Variants in SYBU observed in about 807,000 individuals in gnomAD.
SYBU encodes syntabulin.
In SYBU, 21 loss-of-function variants were observed where a neutral mutation model predicts 35.9. That is an observed-to-expected ratio of 0.58 (90% confidence interval 0.41 to 0.84). The LOEUF (loss-of-function observed/expected upper bound fraction) is 0.84, where lower values mean the gene tolerates loss of function less well. Ranked by LOEUF, SYBU falls within the 40% of genes least tolerant of loss-of-function variation. The probability of loss-of-function intolerance (pLI) is 0.00; values close to 1 mark genes in which losing one functional copy is unlikely to be tolerated. For missense variants in SYBU, 768 were observed against 848.2 expected, an observed-to-expected ratio of 0.91 and a Z score of 1.17; for synonymous variants, 319 against 324.3, an observed-to-expected ratio of 0.98 and a Z score of 0.18.
intron 2 of SYBU, among the ~76,000 whole-genome samples, chr8:109,641,550 C>T (rs941010935): frequency 1.6e-4 from 25 of 152,350 alleles, no homozygotes; most frequent in African/African-American, 6.0e-4. Context: ...GCCCTTCAGG[C>T]TTGACAGATC....
At chr8:109,578,149 T>A in intron 5 of SYBU, 132 bp from the exon 6 acceptor site, 1 of 1,014,090 alleles carries the variant, frequency 9.9e-7, no homozygotes, top group Non-Finnish European at 1.4e-6. Context: ...CTTACCCCAA[T>A]ATGACGGTAT....
chr8:109,669,339 CAAAAAAAAAAAAAAAAA>C lies in SYBU; in HGVS notation c.-129+11355_-129+11371del, dbSNP rs533510895. ...CCTGGGCGACAGAGTGAGACTCCGT[CAAAAAAAAAAAAAAAAA>C]AAAAAAAAAAAACAACTGATCTATG... On this transcript the variant is annotated intron_variant, in intron 1 of 5. Coordinates refer to the SYBU transcript ENST00000408889. 9.3e-4 allele frequency among the ~76,000 whole-genome samples: 46 copies of C among 49,698 alleles called. No individual in the cohort carries two copies. In the South Asian group the frequency reaches 0.039, roughly 42 times the overall value. 32.6% of individuals were successfully genotyped at this position (49,698 alleles called of 152,430 possible). A position where few individuals can be genotyped will look rare whatever the true frequency, so the allele number is the denominator to read the frequency against.
chr8:109,670,977 A>G (rs145041407), intron 1 of SYBU, among the ~76,000 whole-genome samples: 1 of 152,302 alleles, frequency 6.6e-6, no homozygotes, highest in Non-Finnish European at 1.5e-5. Context: ...TGTTTGTGCT[A>G]AACAGATAAA....
At chr8:109,669,320 C>T (rs1202942192) in intron 1 of SYBU, among the ~76,000 whole-genome samples, 2 of 120,568 alleles carry the variant, frequency 1.7e-5, no homozygotes, top group African/African-American at 3.2e-5. Context: ...CCAGCCTGGG[C>T]GACAGAGTGA....
chr8:109,655,322 C>G (rs537580025), intron 1 of SYBU, among the ~76,000 whole-genome samples: 1 of 152,136 alleles, frequency 6.6e-6, no homozygotes, highest in African/African-American at 2.4e-5. Context: ...TGATTTTCGG[C>G]TTCGAAAATA....
chr8:109,688,095 T>C (rs1485367936), intron 1 of SYBU, among the ~76,000 whole-genome samples: 1 of 152,194 alleles, frequency 6.6e-6, no homozygotes, highest in Non-Finnish European at 1.5e-5. Context: ...GGTACACAGA[T>C]AATTTTAGGT....
chr8:109,599,100 T>C (rs1397701646), intron 3 of SYBU, among the ~76,000 whole-genome samples: 1 of 152,210 alleles, frequency 6.6e-6, no homozygotes, highest in Admixed American at 6.5e-5. Flanking sequence ...AAAACACATT[T>C]ACAAACAATC....
intron 2 of SYBU, among the ~76,000 whole-genome samples, chr8:109,620,364 T>C (rs1423883134): frequency 1.3e-5 from 2 of 152,206 alleles, no homozygotes; most frequent in African/African-American, 4.8e-5. Context: ...TAATGTGCCA[T>C]CTACCAAAGG....
At position 109,668,208 on chromosome 8, in the gene SYBU, T is replaced by A. The variant is rs146020996; in HGVS notation, c.-129+12503A>T. Among the ~76,000 whole-genome samples the A allele has an allele frequency of 2.0e-3, 145 of 73,464 alleles. 1 individual carries two copies. Among genetic ancestry groups the A allele is most frequent in the African/African-American group, 7.1e-3 (132 of 18,656 alleles). The allele number at this position is 73,464 out of a possible 152,430, so 48.2% of individuals were successfully genotyped here. ...AGAGAGAGAGAGAGAGAGAGACTTT[T>A]AATAGCGTAGGCATTTCCAGTTAAG... On this transcript the variant is annotated intron_variant, in intron 1 of 5. Coordinates refer to the SYBU transcript ENST00000408889.
intron 2 of SYBU, among the ~76,000 whole-genome samples, chr8:109,638,539 A>C (rs1485744997): frequency 1.3e-5 from 2 of 151,028 alleles, no homozygotes; most frequent in Non-Finnish European, 2.9e-5. Context: ...AACAAACAAA[A>C]AACTTTTTTT....
intron 2 of SYBU, among the ~76,000 whole-genome samples, chr8:109,620,121 T>C (rs1048282635): frequency 2.0e-5 from 3 of 152,232 alleles, no homozygotes; most frequent in African/African-American, 4.8e-5. Flanking sequence ...TTAATTTATT[T>C]ATATTTTGAT....
At chr8:109,686,435 A>G (rs1211617132) in intron 1 of SYBU, among the ~76,000 whole-genome samples, 1 of 152,196 alleles carries the variant, frequency 6.6e-6, no homozygotes, top group Non-Finnish European at 1.5e-5. Flanking sequence ...GACACGCATC[A>G]ATGTGATGAA....
At chr8:109,685,522 C>T (rs759221041), upstream of SYBU, among the ~76,000 whole-genome samples, 15 of 152,180 alleles carry the variant, frequency 9.9e-5, no homozygotes, top group Non-Finnish European at 1.9e-4. Context: ...TCAAACAGGT[C>T]CGGTCCCTCA....
chr8:109,605,977 T>TA (rs1286340911), intron 3 of SYBU, among the ~76,000 whole-genome samples: 1 of 152,242 alleles, frequency 6.6e-6, no homozygotes, highest in African/African-American at 2.4e-5. Context: ...TGTGGTATCT[T>TA]ACCCATTTTG....
chr8:109,609,944 G>A (rs182065476), intron 3 of SYBU, among the ~76,000 whole-genome samples: 13 of 152,114 alleles, frequency 8.5e-5, no homozygotes, highest in Admixed American at 2.6e-4. Flanking sequence ...CTACAGAGTC[G>A]TCAGAGGGAT....
chr8:109,627,199 A>G (rs1464466564), intron 2 of SYBU, among the ~76,000 whole-genome samples: 1 of 152,190 alleles, frequency 6.6e-6, no homozygotes, highest in Non-Finnish European at 1.5e-5. Flanking sequence ...TTTAAACTAT[A>G]TGGAAATCTA....
rs138876231 is a variant in SYBU at position 109,581,823 on chromosome 8, T to G, written c.531-1821A>C. Among the ~76,000 whole-genome samples the G allele has an allele frequency of 2.0e-5, 3 of 152,326 alleles. No homozygotes were observed. In the East Asian group the frequency reaches 5.8e-4, roughly 29 times the overall value. ...GTCAACCTTGCAAATCAGACATAAA[T>G]AAAACGTAACCAAGTTCTAAAGTTA... is the stretch of plus-strand genomic sequence containing the variant. On this transcript the variant is annotated intron_variant, in intron 4 of 6. Coordinates refer to ENST00000276646, the MANE Select transcript of SYBU (RefSeq NM_001099754.2).
chr8:109,672,770 AAG>A (rs1481206465), intron 1 of SYBU, among the ~76,000 whole-genome samples: 3 of 152,334 alleles, frequency 2.0e-5, no homozygotes, highest in Non-Finnish European at 2.9e-5. Flanking sequence ...CCAGCAAGCT[AAG>A]ATCCACTGGC....
intron 1 of SYBU, among the ~76,000 whole-genome samples, chr8:109,688,383 C>A (rs982814792): frequency 5.9e-5 from 9 of 152,168 alleles, no homozygotes; most frequent in Non-Finnish European, 2.9e-5. Context: ...AGTGTGTACA[C>A]AGGAACCTTT....
Sources: allele counts gnomAD v4.1 joint callset (sites outside exome capture counted in the v4.1 genomes callset), GRCh38; gene constraint gnomAD v4.1.1; transcripts MANE v1.5; gene names NCBI Gene and HGNC (gene_info 2026-07-23, HGNC 2026-07-21).